GRID2: variants seen among roughly 807,000 people sequenced by gnomAD.
The protein encoded by GRID2 is glutamate receptor ionotropic, delta-2.
Under a neutral mutation model 114.8 loss-of-function variants are expected in GRID2, and 33 were observed. The observed-to-expected ratio is 0.29, with a 90% CI of 0.22 to 0.38. The LOEUF (loss-of-function observed/expected upper bound fraction) is 0.38, where lower values mean the gene tolerates loss of function less well. Ranked by LOEUF, GRID2 falls within the 10% of genes least tolerant of loss-of-function variation. GRID2 has a pLI of 1.00. For missense variants in GRID2, 1,184 were observed against 1,257.7 expected, an observed-to-expected ratio of 0.94 and a Z score of 0.89; for synonymous variants, 505 against 449.9, an observed-to-expected ratio of 1.12 and a Z score of -1.55.
chr4:92,687,497 G>A (rs1733967103), intron 2 of GRID2, among the ~76,000 whole-genome samples: 1 of 152,030 alleles, frequency 6.6e-6, no homozygotes, highest in South Asian at 2.1e-4. Context: ...GTGTGCACTA[G>A]CATTGTGTCC....
intron 3 of GRID2, among the ~76,000 whole-genome samples, chr4:93,085,728 C>A (rs1443604814): frequency 6.6e-6 from 1 of 152,114 alleles, no homozygotes; most frequent in Non-Finnish European, 1.5e-5. Flanking sequence ...CTTGCTTACA[C>A]CCTTGTGTAG....
chr4:92,535,618 T>TA (rs1280894911), intron 1 of GRID2, among the ~76,000 whole-genome samples: 1 of 152,084 alleles, frequency 6.6e-6, no homozygotes, highest in Non-Finnish European at 1.5e-5. Flanking sequence ...AGAGACAAGC[T>TA]AAAAAAGAAC....
chr4:92,567,545 T>C (rs1439298101), intron 1 of GRID2, among the ~76,000 whole-genome samples: 2 of 152,032 alleles, frequency 1.3e-5, no homozygotes, highest in East Asian at 3.9e-4. Flanking sequence ...TAATTGCATT[T>C]AGAGAAATAA....
chr4:92,850,845 T>A (rs1743727823), intron 2 of GRID2, among the ~76,000 whole-genome samples: 1 of 151,902 alleles, frequency 6.6e-6, no homozygotes, highest in African/African-American at 2.4e-5. Context: ...ATTTGAGCAA[T>A]AAATTTCTGG....
intron 8 of GRID2, among the ~76,000 whole-genome samples, chr4:93,383,184 A>G (rs1263499766): frequency 6.6e-6 from 1 of 152,118 alleles, no homozygotes; most frequent in Non-Finnish European, 1.5e-5. Context: ...CCAGAGGGGT[A>G]GGGGTGTGCA....
At chr4:93,337,907 C>T (rs1759250338) in intron 8 of GRID2, among the ~76,000 whole-genome samples, 1 of 152,026 alleles carries the variant, frequency 6.6e-6, no homozygotes. Context: ...CACCCTTTGC[C>T]TTCCCTAGTC....
intron 1 of GRID2, among the ~76,000 whole-genome samples, chr4:93,796,988 C>T (rs545766589): frequency 6.6e-6 from 1 of 152,274 alleles, no homozygotes; most frequent in South Asian, 2.1e-4. Flanking sequence ...TGTACTTACC[C>T]AAACCTAGAT....
chr4:93,148,586 G>A (rs1560928442), intron 4 of GRID2, among the ~76,000 whole-genome samples: 3 of 152,142 alleles, frequency 2.0e-5, no homozygotes, highest in East Asian at 3.9e-4. Context: ...ATTTATTGAA[G>A]CATGACTTAA....
At chr4:92,999,314 G>A (rs1755400707) in intron 2 of GRID2, among the ~76,000 whole-genome samples, 1 of 151,692 alleles carries the variant, frequency 6.6e-6, no homozygotes, top group Non-Finnish European at 1.5e-5. Flanking sequence ...ATTTGTCAGA[G>A]GCTTACAAAG....
At chr4:92,443,121 A>G (rs1579371613) in intron 1 of GRID2, among the ~76,000 whole-genome samples, 1 of 152,218 alleles carries the variant, frequency 6.6e-6, no homozygotes, top group East Asian at 1.9e-4. Context: ...GAGGGAAAGA[A>G]GGAAGATTTG....
At chr4:92,909,718 A>T (rs1013251386) in intron 2 of GRID2, among the ~76,000 whole-genome samples, 1 of 152,152 alleles carries the variant, frequency 6.6e-6, no homozygotes, top group Non-Finnish European at 1.5e-5. Flanking sequence ...CTTTAACATT[A>T]TTTGCTAATG....
intron 2 of GRID2, among the ~76,000 whole-genome samples, chr4:92,868,027 T>G (rs1745004198): frequency 1.0e-5 from 1 of 100,358 alleles, no homozygotes; most frequent in Admixed American, 1.1e-4. Context: ...TTTCTTTCTT[T>G]CTTTCTTTCT....
Position 93,313,116 on chromosome 4 carries a change from C to CT in GRID2, c.1245+74636dup, listed in dbSNP as rs113525881. Among the ~76,000 whole-genome samples, 175 of 148,790 alleles carry CT rather than the reference C, an allele frequency of 1.2e-3. 1 individual carries two copies. The highest frequency in any genetic ancestry group is 6.6e-3 in the South Asian group (31 of 4,714). On this transcript the variant is annotated intron_variant, in intron 8 of 15. Transcript: ENST00000282020. ...ATATTTCTCCATCAGTTATATACCA[C>CT]TTTTTTTTTTCACATAAGGCTGTTT... is the stretch of plus-strand genomic sequence containing the variant.
chr4:92,808,171 G>A (rs1290000283), intron 2 of GRID2, among the ~76,000 whole-genome samples: 1 of 151,958 alleles, frequency 6.6e-6, no homozygotes, highest in South Asian at 2.1e-4. Context: ...TATCACTAGA[G>A]ACTGGAAGAA....
At chr4:92,944,847 A>C (rs1751498916) in intron 2 of GRID2, among the ~76,000 whole-genome samples, 1 of 152,178 alleles carries the variant, frequency 6.6e-6, no homozygotes, top group African/African-American at 2.4e-5. Flanking sequence ...TTTGGAGTTT[A>C]CTGTCCAAAG....
At chr4:93,179,190 A>G (rs1739648885) in intron 4 of GRID2, among the ~76,000 whole-genome samples, 1 of 152,080 alleles carries the variant, frequency 6.6e-6, no homozygotes, top group South Asian at 2.1e-4. Flanking sequence ...TTTGTAACAC[A>G]TTTTTTTCCC....
At chr4:92,623,938 C>T (rs1189091992) in intron 2 of GRID2, among the ~76,000 whole-genome samples, 1 of 151,756 alleles carries the variant, frequency 6.6e-6, no homozygotes, top group East Asian at 1.9e-4. Context: ...CACACATATA[C>T]ACACAATGAC....
intron 1 of GRID2, among the ~76,000 whole-genome samples, chr4:92,315,345 A>G (rs2110115919): frequency 6.6e-6 from 1 of 152,284 alleles, no homozygotes; most frequent in East Asian, 1.9e-4. Flanking sequence ...GAACAATGAG[A>G]GGGTAGGAGT....
chr4:92,920,277 C>G (rs1749198496), intron 2 of GRID2, among the ~76,000 whole-genome samples: 1 of 152,164 alleles, frequency 6.6e-6, no homozygotes, highest in South Asian at 2.1e-4. Context: ...ATACAGCACA[C>G]TGATGGGTCT....
Sources: gnomAD v4.1 joint callset for allele counts (sites outside exome capture counted in the v4.1 genomes callset) on GRCh38, gnomAD v4.1.1 for gene constraint, MANE v1.5 for transcripts, NCBI Gene and HGNC (gene_info 2026-07-23, HGNC 2026-07-21) for gene names.